SERINC5: variants seen among roughly 807,000 people sequenced by gnomAD.
SERINC5 encodes the protein serine incorporator 5, also known as chromosome 5 open reading frame 12.
Under a neutral mutation model 63.1 loss-of-function variants are expected in SERINC5, and 41 were observed. That is an observed-to-expected ratio of 0.65 (90% CI 0.51 to 0.84). SERINC5 has a LOEUF of 0.84. Among genes scored for constraint, SERINC5 ranks in the 40% least tolerant of loss-of-function variants. The pLI, the probability that SERINC5 is intolerant of heterozygous loss-of-function variation, is 0.00. For synonymous variants in SERINC5, 222 were observed against 215.2 expected, an observed-to-expected ratio of 1.03 and a Z score of -0.28; for missense variants, 523 against 573.0, an observed-to-expected ratio of 0.91 and a Z score of 0.89.
intron 2 of SERINC5, among the ~76,000 whole-genome samples, chr5:80,190,793 T>C (rs1164988462): frequency 6.6e-6 from 1 of 152,226 alleles, no homozygotes; most frequent in African/African-American, 2.4e-5. Context: ...CCCCATTACC[T>C]GTTCCCCAGT....
In SERINC5 at chr5:80,132,406, T is replaced by C. The variant is rs115383959; in HGVS notation, c.1238+13684A>G. ...AGCTAATCATCTGTTAGCTTATTTC[T>C]GTTAACTAATGGTATTTCTATATGA... On this transcript the variant is annotated intron_variant, in intron 11 of 12. Transcript: ENST00000509193. Among the ~76,000 whole-genome samples, 1,314 of 152,310 alleles carry C rather than the reference T, an allele frequency of 8.6e-3. 18 individuals are homozygous for C. The highest frequency in any genetic ancestry group is 0.03 in the African/African-American group (1,256 of 41,566).
At chr5:80,196,509 C>A (rs1269481685) in intron 2 of SERINC5, among the ~76,000 whole-genome samples, 1 of 152,050 alleles carries the variant, frequency 6.6e-6, no homozygotes, top group Non-Finnish European at 1.5e-5. Context: ...ACTACACAAT[C>A]CAGCAATTCT....
chr5:80,197,762 C>T (rs1580153316), intron 2 of SERINC5, among the ~76,000 whole-genome samples: 1 of 152,202 alleles, frequency 6.6e-6, no homozygotes, highest in South Asian at 2.1e-4. Context: ...CAAACACAGA[C>T]GTTACACCTT....
rs1322490620 is a variant in SERINC5 at position 80,113,697 on chromosome 5, C to T, written c.1239-72G>A. 10 of 184,598 alleles carry T rather than the reference C, an allele frequency of 5.4e-5. No individual in the cohort carries two copies. The Admixed American group carries it at 5.6e-4, about 10-fold the overall frequency. 11.4% of individuals were successfully genotyped at this position (184,598 alleles called of 1,614,324 possible). On this transcript the variant is annotated intron_variant, in intron 11 of 12. Transcript: ENST00000509193. ...AAACCCTGATAAACCCATCAGCTCT[C>T]ATGAGACTTATTCACTATCACAAGA...
intron 5 of SERINC5, among the ~76,000 whole-genome samples, chr5:80,174,639 C>G (rs1013578618): frequency 6.6e-6 from 1 of 151,822 alleles, no homozygotes; most frequent in Non-Finnish European, 1.5e-5. Context: ...TGCGGTGGCT[C>G]GAGCCTGTAA....
At chr5:80,212,411 A>C (rs755995064) in intron 1 of SERINC5, among the ~76,000 whole-genome samples, 7 of 152,214 alleles carry the variant, frequency 4.6e-5, no homozygotes, top group Non-Finnish European at 7.3e-5. Flanking sequence ...ACCTTTCAGT[A>C]ATACATAATA....
At chr5:80,206,694 C>T (rs1238614927) in intron 1 of SERINC5, among the ~76,000 whole-genome samples, 1 of 152,080 alleles carries the variant, frequency 6.6e-6, no homozygotes, top group Non-Finnish European at 1.5e-5. Flanking sequence ...TCTTTCCACT[C>T]ACATGCCCCA....
chr5:80,236,005 T>C (rs1445507851), intron 1 of SERINC5, among the ~76,000 whole-genome samples: 1 of 152,164 alleles, frequency 6.6e-6, no homozygotes, highest in Non-Finnish European at 1.5e-5. Context: ...CTTTTCTCAA[T>C]ACTTTTAATG....
At chr5:80,162,338 A>G (rs548603145) in intron 7 of SERINC5, among the ~76,000 whole-genome samples, 1 of 152,300 alleles carries the variant, frequency 6.6e-6, no homozygotes, top group East Asian at 1.9e-4. Flanking sequence ...CTCCTGATCC[A>G]TGAGCATGGG....
intron 1 of SERINC5, among the ~76,000 whole-genome samples, chr5:80,254,365 C>G (rs1341173872): frequency 3.9e-5 from 6 of 152,212 alleles, no homozygotes; most frequent in Non-Finnish European, 5.9e-5. Flanking sequence ...TGGTTCTTTC[C>G]AAAGTCCTAA....
intron 1 of SERINC5, among the ~76,000 whole-genome samples, chr5:80,244,476 A>G (rs1247774106): frequency 6.6e-6 from 1 of 151,742 alleles, no homozygotes; most frequent in African/African-American, 2.4e-5. Context: ...CAGCCCCCCA[A>G]AGTGCTGGGA....
At chr5:80,160,890 G>C (rs149314221) in intron 7 of SERINC5, among the ~76,000 whole-genome samples, 2 of 151,530 alleles carry the variant, frequency 1.3e-5, no homozygotes, top group Admixed American at 6.6e-5. Context: ...TGGCTGAATA[G>C]TATTCCATTG....
At chr5:80,218,919 G>A (rs1453520762) in intron 1 of SERINC5, among the ~76,000 whole-genome samples, 1 of 152,054 alleles carries the variant, frequency 6.6e-6, no homozygotes, top group Non-Finnish European at 1.5e-5. Context: ...TTTCAAGGTG[G>A]TTAGTCTAGC....
intron 1 of SERINC5, among the ~76,000 whole-genome samples, chr5:80,229,090 C>T (rs960893397): frequency 1.7e-5 from 2 of 117,266 alleles, no homozygotes; most frequent in African/African-American, 6.6e-5. Context: ...GTGGTGCGAT[C>T]TCGGCTCACT....
intron 1 of SERINC5, among the ~76,000 whole-genome samples, chr5:80,231,360 A>G (rs1224004046): frequency 6.6e-6 from 1 of 152,244 alleles, no homozygotes; most frequent in Non-Finnish European, 1.5e-5. Flanking sequence ...GGATGGCTCC[A>G]GTGACCACTG....
chr5:80,208,394 C>T (rs1354513851), intron 1 of SERINC5, among the ~76,000 whole-genome samples: 1 of 151,176 alleles, frequency 6.6e-6, no homozygotes, highest in Non-Finnish European at 1.5e-5. Context: ...AAACCTAAGC[C>T]TATTTTTTAA....
At chr5:80,220,093 C>T (rs890888968) in intron 1 of SERINC5, among the ~76,000 whole-genome samples, 1 of 152,144 alleles carries the variant, frequency 6.6e-6, no homozygotes, top group Non-Finnish European at 1.5e-5. Context: ...CCTGTAATCC[C>T]AGCTACTCAG....
intron 1 of SERINC5, among the ~76,000 whole-genome samples, chr5:80,234,607 G>T (rs557229569): frequency 7.9e-5 from 12 of 152,198 alleles, no homozygotes; most frequent in Non-Finnish European, 1.8e-4. Flanking sequence ...GCACATTTAG[G>T]TTTGCTAAAA....
intron 12 of SERINC5, among the ~76,000 whole-genome samples, chr5:80,113,294 T>C (rs1744196175): frequency 1.3e-5 from 2 of 152,212 alleles, no homozygotes; most frequent in South Asian, 2.1e-4. Context: ...ATCAGCATTG[T>C]CCATTATCTT....
Sources: allele counts gnomAD v4.1 joint callset (sites outside exome capture counted in the v4.1 genomes callset), GRCh38; gene constraint gnomAD v4.1.1; transcripts MANE v1.5; gene names NCBI Gene and HGNC (gene_info 2026-07-23, HGNC 2026-07-21).